The following ZNF670 variants were observed in gnomAD, a reference collection of about 807,000 sequenced individuals.
The protein encoded by ZNF670 is zinc finger protein 670.
Under a neutral mutation model 10.9 loss-of-function variants are expected in ZNF670, and 7 were observed. The ratio of observed to expected loss-of-function variants is 0.64; its 90% CI spans 0.36 to 1.20. The LOEUF (loss-of-function observed/expected upper bound fraction) is 1.20. ZNF670 is among the 50% of genes most tolerant of loss of function. The pLI is 0.02. For synonymous variants in ZNF670, 136 were observed against 152.7 expected (o/e 0.89, Z 0.81); for missense variants, 446 against 458.6 (o/e 0.97, Z 0.25).
rs577393623 is a variant in ZNF670, at chr1:247,049,645, G to A, written c.4-10108C>T. On this transcript the variant is annotated intron_variant, in intron 1 of 3. Transcript: ENST00000366503. ...TTTGTACTCGTTCAGACTTTTTAAT[G>A]TAGGCATTTAATGATACAAACTTTT... 5.9e-5 allele frequency among the ~76,000 whole-genome samples: 9 copies of A among 152,268 alleles called. No homozygotes were observed. The South Asian group carries it at 1.4e-3, about 25-fold the overall frequency.
intron 1 of ZNF670, among the ~76,000 whole-genome samples, chr1:247,068,722 C>T (rs1325252530): frequency 1.3e-5 from 2 of 148,384 alleles, no homozygotes; most frequent in Non-Finnish European, 2.9e-5. Flanking sequence ...ATGTTTGTTG[C>T]AGTGCTGCTT....
Position 247,063,819 on chromosome 1 carries a change from G to A in ZNF670, c.3+14775C>T, listed in dbSNP as rs561132019. Among the ~76,000 whole-genome samples the A allele has an allele frequency of 2.8e-4, 43 of 152,210 alleles. No homozygotes were observed. In the Middle Eastern group the frequency reaches 0.01, roughly 36 times the overall value. ...AAAACTCTCCTCCGATGACTCTCCC[G>A]TCACAGCCACACAATCTGAGGGAGA... On this transcript the variant is annotated intron_variant, in intron 1 of 3. Coordinates refer to ENST00000366503, the MANE Select transcript of ZNF670 (RefSeq NM_033213.5).
At chr1:247,066,921 A>T (rs12129591) in intron 1 of ZNF670, among the ~76,000 whole-genome samples, 87,101 of 151,972 alleles carry the variant, frequency 0.57, 27,541 homozygotes, top group African/African-American at 0.84. Context: ...CATTTTTAAA[A>T]CTACCTATGA....
At chr1:247,051,990 ATTTTTTT>A (rs146107156) in intron 1 of ZNF670, among the ~76,000 whole-genome samples, 2 of 128,260 alleles carry the variant, frequency 1.6e-5, no homozygotes, top group African/African-American at 2.9e-5. Context: ...CATGTCCTGT[ATTTTTTT>A]TTTTTTTTTG....
Position 247,035,360 on chromosome 1 carries a change from C to T in ZNF670, c.*2089G>A, listed in dbSNP as rs1670124818. On this transcript the variant is annotated 3_prime_UTR_variant, in exon 4 of 4. Coordinates refer to ENST00000366503, the MANE Select transcript of ZNF670 (RefSeq NM_033213.5). ...GTAAACGAGGCTGGTCCACACAAGA[C>T]TTGCACTACGGAGCAGATAGAACAA... Among the ~76,000 whole-genome samples, 1 of 152,174 alleles carries T rather than the reference C, an allele frequency of 6.6e-6. No individual in the cohort carries two copies. Among genetic ancestry groups the T allele is most frequent in the African/African-American group, 2.4e-5 (1 of 41,430 alleles).
intron 1 of ZNF670, among the ~76,000 whole-genome samples, chr1:247,054,499 GAGGCCCACATTTT>G (rs1338955619): frequency 6.6e-6 from 1 of 152,224 alleles, no homozygotes; most frequent in East Asian, 1.9e-4. Context: ...GCAGGGTTGT[GAGGCCCACATTTT>G]AGGCCCTAGT....
Position 247,037,947 on chromosome 1 carries a change from G to A in ZNF670, c.672C>T (p.Pro224=). Residue 224 remains proline, a synonymous_variant, in exon 4 of 4, where the codon CCC becomes CCT. Coordinates refer to ENST00000366503, the MANE Select transcript of ZNF670 (RefSeq NM_033213.5). ...ATTTACCACATTTCTTACATGCATAGGGTTTCTCTCCAGTATGAGTTCTTT... is the reference window on the plus strand; with the variant it reads ...ATTTACCACATTTCTTACATGCATAAGGTTTCTCTCCAGTATGAGTTCTTT... ...EHERTHTGEK[P]YACKKCGKSF... 1.2e-6 allele frequency: 2 copies of A among 1,613,766 alleles called. No individual in the cohort carries two copies. The highest frequency in any genetic ancestry group is 1.7e-6 in the Non-Finnish European group (2 of 1,179,924).
intron 1 of ZNF670, among the ~76,000 whole-genome samples, chr1:247,061,652 G>A (rs966933958): frequency 6.6e-6 from 1 of 152,098 alleles, no homozygotes; most frequent in African/African-American, 2.4e-5. Context: ...CTTCCACGTA[G>A]TTACAGCATT....
chr1:247,061,184 T>A (rs1356632372), intron 1 of ZNF670, among the ~76,000 whole-genome samples: 1 of 54,750 alleles, frequency 1.8e-5, no homozygotes, highest in Non-Finnish European at 3.5e-5. Context: ...TAAAAGTAAA[T>A]TTTTTTTTTT....
chr1:247,073,591 C>T (rs1671187160), intron 1 of ZNF670, among the ~76,000 whole-genome samples: 1 of 152,206 alleles, frequency 6.6e-6, no homozygotes, highest in Non-Finnish European at 1.5e-5. Flanking sequence ...TGACCACTCT[C>T]CCAGAGTCAG....
chr1:247,046,739 T>C (rs1670459389), intron 1 of ZNF670, among the ~76,000 whole-genome samples: 1 of 152,120 alleles, frequency 6.6e-6, no homozygotes, highest in Non-Finnish European at 1.5e-5. Context: ...GGCTGCTGCT[T>C]TCCAGACCCC....
intron 1 of ZNF670, among the ~76,000 whole-genome samples, chr1:247,075,056 C>T (rs887378902): frequency 6.6e-6 from 1 of 152,178 alleles, no homozygotes; most frequent in African/African-American, 2.4e-5. Context: ...CTGAGGTGAG[C>T]AGGCTGGGAC....
intron 1 of ZNF670, among the ~76,000 whole-genome samples, chr1:247,067,828 C>T (rs1177138213): frequency 9.8e-6 from 1 of 101,682 alleles, no homozygotes; most frequent in Non-Finnish European, 1.8e-5. Flanking sequence ...GGCGACAGAG[C>T]GAGACTCCGT....
chr1:247,037,589 T>C lies in ZNF670; in HGVS notation c.1030A>G (p.Lys344Glu). The C allele has an allele frequency of 6.2e-7, 1 of 1,614,188 alleles. No homozygotes were observed. The highest frequency in any genetic ancestry group is 8.5e-7 in the Non-Finnish European group (1 of 1,180,008). Residue 344 changes from lysine to glutamate, a missense_variant, in exon 4 of 4, where the codon AAG becomes GAG. Coordinates refer to ENST00000366503, the MANE Select transcript of ZNF670 (RefSeq NM_033213.5). Reference protein sequence around the residue: ...VKPYGCKECGKSFTSSSALRS... With the variant: ...VKPYGCKECGESFTSSSALRS... The stretch of plus-strand genomic sequence containing the variant: ...AGGGCACTGGAAGAAGTAAACGACT[T>C]ACCACATTCCTTACATCCATAAGGT...
chr1:247,074,691 C>T (rs564873840), intron 1 of ZNF670, among the ~76,000 whole-genome samples: 3 of 152,202 alleles, frequency 2.0e-5, no homozygotes, highest in Admixed American at 6.5e-5. Context: ...GAGCACACAA[C>T]CTAGATCCCT....
At position 247,037,071 on chromosome 1, in the gene ZNF670, T is replaced by A. The variant is rs1460832115; in HGVS notation, c.*378A>T. 1 of 167,862 alleles carries A rather than the reference T, an allele frequency of 6.0e-6. No individual in the cohort carries two copies. The highest frequency in any genetic ancestry group is 6.1e-5 in the Admixed American group (1 of 16,400). The allele number at this position is 167,862 out of a possible 1,614,324, so 10.4% of individuals were successfully genotyped here. ...AACTGATGAGAAACAAAACACAGCC[T>A]ATTAAGCTCATGTACTATGGCTTAT... On this transcript the variant is annotated 3_prime_UTR_variant, in exon 4 of 4. Transcript: ENST00000366503.
intron 1 of ZNF670, among the ~76,000 whole-genome samples, chr1:247,067,034 A>G (rs1670996034): frequency 6.6e-6 from 1 of 152,190 alleles, no homozygotes; most frequent in Non-Finnish European, 1.5e-5. Context: ...AACGTATAAA[A>G]GTAGGCTGTG....
intron 2 of ZNF670, 89 bp from the exon 3 acceptor site, chr1:247,038,959 T>C: frequency 1.0e-6 from 1 of 969,472 alleles, no homozygotes; most frequent in Non-Finnish European, 1.5e-6. Context: ...TGACCATAAC[T>C]AATTTTTTTC....
At chr1:247,059,031 C>CAG (rs1014357877) in intron 1 of ZNF670, among the ~76,000 whole-genome samples, 1 of 152,054 alleles carries the variant, frequency 6.6e-6, no homozygotes, top group Admixed American at 6.6e-5. Flanking sequence ...TCATGCTATG[C>CAG]AGACAACACT....
Sources: gnomAD v4.1 joint callset for allele counts (sites outside exome capture counted in the v4.1 genomes callset) on GRCh38, gnomAD v4.1.1 for gene constraint, MANE v1.5 for transcripts, NCBI Gene and HGNC (gene_info 2026-07-23, HGNC 2026-07-21) for gene names.